LRBA: variants seen among roughly 807,000 people sequenced by gnomAD.
LRBA encodes the protein LPS responsive beige-like anchor protein.
Under a neutral mutation model 330.0 loss-of-function variants are expected in LRBA, and 176 were observed. The observed-to-expected ratio is 0.53, with a 90% CI of 0.47 to 0.60. The LOEUF is 0.60. Ranked by LOEUF, LRBA falls within the 20% of genes least tolerant of loss-of-function variation. The pLI, the probability that LRBA is intolerant of heterozygous loss-of-function variation, is 0.00. For synonymous variants in LRBA, 1,230 were observed against 1,193.0 expected, an observed-to-expected ratio of 1.03 and a Z score of -0.64; for missense variants, 3,259 against 3,444.8, an observed-to-expected ratio of 0.95 and a Z score of 1.35.
intron 41 of LRBA, among the ~76,000 whole-genome samples, chr4:150,489,264 GAATA>G (rs1483501489): frequency 1.9e-4 from 10 of 53,254 alleles, no homozygotes; most frequent in Non-Finnish European, 2.7e-4. Context: ...TTATATATAA[GAATA>G]TATAATATAT....
At chr4:150,333,424 T>C (rs1734241577) in intron 48 of LRBA, among the ~76,000 whole-genome samples, 1 of 152,160 alleles carries the variant, frequency 6.6e-6, no homozygotes, top group South Asian at 2.1e-4. Flanking sequence ...AGATATGTCA[T>C]TTATTAATAT....
At chr4:150,598,221 C>A (rs1773717836) in intron 38 of LRBA, among the ~76,000 whole-genome samples, 1 of 151,974 alleles carries the variant, frequency 6.6e-6, no homozygotes, top group South Asian at 2.1e-4. Flanking sequence ...TTTATAAAGT[C>A]AGGATAATTT....
chr4:150,995,745 C>G (rs556291789), intron 2 of LRBA, among the ~76,000 whole-genome samples: 2 of 151,914 alleles, frequency 1.3e-5, no homozygotes, highest in Admixed American at 6.6e-5. Context: ...GAAATGACGA[C>G]CAAGAACTGG....
intron 56 of LRBA, among the ~76,000 whole-genome samples, chr4:150,276,450 C>T (rs1394264098): frequency 6.6e-6 from 1 of 152,030 alleles, no homozygotes; most frequent in South Asian, 2.1e-4. Context: ...AATTAAAGAG[C>T]TTCTGCACAG....
chr4:150,293,487 G>C (rs1728582903), intron 53 of LRBA, among the ~76,000 whole-genome samples: 1 of 152,114 alleles, frequency 6.6e-6, no homozygotes, highest in South Asian at 2.1e-4. Flanking sequence ...AATTTGATTA[G>C]ACATATAGAC....
At position 150,332,291 on chromosome 4, in the gene LRBA, T is replaced by C. The variant is rs543782322; in HGVS notation, c.7363-6393A>G. ...CTCTGTGTGGTTTCTTTCCTCCTCA[T>C]TCTTGAAGACTTAGCTCAGGCATCT... On this transcript the variant is annotated intron_variant, in intron 48 of 56. Transcript: ENST00000651943. 4.8e-4 allele frequency among the ~76,000 whole-genome samples: 73 copies of C among 152,324 alleles called. No homozygotes were observed. The South Asian group carries it at 0.014, about 30-fold the overall frequency.
chr4:150,406,423 G>A (rs1367850570), intron 47 of LRBA, among the ~76,000 whole-genome samples: 1 of 152,146 alleles, frequency 6.6e-6, no homozygotes, highest in African/African-American at 2.4e-5. Flanking sequence ...TAAGTAACAT[G>A]ATCCAACTAT....
chr4:150,584,606 G>A (rs1000764437), intron 40 of LRBA: 1 of 167,060 alleles, frequency 6.0e-6, no homozygotes, highest in African/African-American at 2.4e-5. Context: ...GCCAATGTCA[G>A]ACTGTGCTCC....
At chr4:150,494,931 C>T (rs545733485) in intron 40 of LRBA, among the ~76,000 whole-genome samples, 1 of 150,072 alleles carries the variant, frequency 6.7e-6, no homozygotes, top group East Asian at 2.0e-4. Context: ...ACCTGGGAGG[C>T]GGAGCTTGCA....
chr4:150,754,398 T>G (rs917125504), intron 35 of LRBA, among the ~76,000 whole-genome samples: 1 of 151,648 alleles, frequency 6.6e-6, no homozygotes, highest in Non-Finnish European at 1.5e-5. Flanking sequence ...TATACTTTAT[T>G]CTAAATCACC....
At chr4:150,658,474 C>A (rs1395853547) in intron 37 of LRBA, among the ~76,000 whole-genome samples, 1 of 142,276 alleles carries the variant, frequency 7.0e-6, no homozygotes, top group African/African-American at 2.6e-5. Flanking sequence ...TCCAAAGGCT[C>A]AAAACTTGAA....
chr4:150,383,706 C>A (rs937565011), intron 47 of LRBA, among the ~76,000 whole-genome samples: 1 of 152,060 alleles, frequency 6.6e-6, no homozygotes, highest in Non-Finnish European at 1.5e-5. Flanking sequence ...TATAAAAGAC[C>A]AAGAGCATCA....
At chr4:150,818,359 T>C (rs1322418134) in intron 30 of LRBA, among the ~76,000 whole-genome samples, 2 of 152,096 alleles carry the variant, frequency 1.3e-5, no homozygotes, top group East Asian at 3.8e-4. Context: ...TTCAATGTAC[T>C]TCAGGGTAGC....
At chr4:150,685,430 T>A (rs1228556956) in intron 36 of LRBA, among the ~76,000 whole-genome samples, 301 of 39,272 alleles carry the variant, frequency 7.7e-3, no homozygotes, top group South Asian at 9.5e-3. Context: ...ATTTTTTTTT[T>A]TTTTTTTTTT....
rs989559058 is a variant in LRBA, at chr4:150,955,872, A to G, written c.217-26807T>C. Among the ~76,000 whole-genome samples, 15 of 148,818 alleles carry G rather than the reference A, an allele frequency of 1.0e-4. No homozygotes were observed. The East Asian group carries it at 2.9e-3, about 29-fold the overall frequency. ...GTGCCACTGCACTCCAGCCTGGGCA[A>G]CAGAGAGAGACTCCATCTCAAAAAT... On this transcript the variant is annotated intron_variant, in intron 2 of 56. Coordinates refer to ENST00000651943, the MANE Select transcript of LRBA (RefSeq NM_001364905.1).
intron 2 of LRBA, chr4:150,970,779 G>A (rs1472872048): frequency 6.6e-6 from 1 of 152,052 alleles, no homozygotes; most frequent in Non-Finnish European, 1.5e-5. Flanking sequence ...GTATAACTGT[G>A]TCTAGAGTAT....
chr4:150,504,784 T>C (rs889275266), intron 40 of LRBA, among the ~76,000 whole-genome samples: 3 of 151,658 alleles, frequency 2.0e-5, no homozygotes, highest in Non-Finnish European at 2.9e-5. Flanking sequence ...GACTGGCAAA[T>C]TGGATAAAGA....
At chr4:150,318,577 T>A (rs1732039392) in intron 50 of LRBA, among the ~76,000 whole-genome samples, 1 of 152,208 alleles carries the variant, frequency 6.6e-6, no homozygotes, top group South Asian at 2.1e-4. Context: ...AAGGTTAGAT[T>A]TATGTAAACA....
chr4:150,282,684 A>G, intron 54 of LRBA, 38 bp from the exon 55 acceptor site: 1 of 1,348,294 alleles, frequency 7.4e-7, no homozygotes. Flanking sequence ...AAATTATTGA[A>G]TGAAAACAGA....
Sources: gnomAD v4.1 joint callset for allele counts (sites outside exome capture counted in the v4.1 genomes callset) on GRCh38, gnomAD v4.1.1 for gene constraint, MANE v1.5 for transcripts, NCBI Gene and HGNC (gene_info 2026-07-23, HGNC 2026-07-21) for gene names.